Variants in GALNT13 observed in about 807,000 individuals in gnomAD.
The protein encoded by GALNT13 is polypeptide N-acetylgalactosaminyltransferase 13, also known as UDP-GalNAc:polypeptide N-acetylgalactosaminyltransferase 13.
Under a neutral mutation model 64.2 loss-of-function variants are expected in GALNT13, and 28 were observed. The ratio of observed to expected loss-of-function variants is 0.44; its 90% CI spans 0.32 to 0.60. The LOEUF (loss-of-function observed/expected upper bound fraction) is 0.60, where lower values mean the gene tolerates loss of function less well. Ranked by LOEUF, GALNT13 falls within the 20% of genes least tolerant of loss-of-function variation. GALNT13 has a pLI of 0.05. For missense variants in GALNT13, 577 were observed against 669.8 expected, an observed-to-expected ratio of 0.86 and a Z score of 1.53; for synonymous variants, 214 against 224.6, an observed-to-expected ratio of 0.95 and a Z score of 0.42.
At chr2:154,112,823 A>G (rs894952833) in intron 3 of GALNT13, among the ~76,000 whole-genome samples, 48 of 152,204 alleles carry the variant, frequency 3.2e-4, no homozygotes, top group African/African-American at 1.1e-3. Context: ...TTCTCTGTCA[A>G]CTGATCTTAG....
At chr2:154,112,235 G>A (rs1173724653) in intron 3 of GALNT13, among the ~76,000 whole-genome samples, 3 of 152,208 alleles carry the variant, frequency 2.0e-5, no homozygotes, top group Non-Finnish European at 4.4e-5. Flanking sequence ...AGTCACTGTA[G>A]CTAGGTCAGC....
intron 3 of GALNT13, among the ~76,000 whole-genome samples, chr2:154,012,037 C>G (rs1696673742): frequency 6.6e-6 from 1 of 151,956 alleles, no homozygotes. Context: ...CACTTTATGC[C>G]TTTTAATTGG....
chr2:154,248,766 C>CCAAT (rs1169615774), intron 7 of GALNT13, among the ~76,000 whole-genome samples: 4 of 152,090 alleles, frequency 2.6e-5, no homozygotes. Flanking sequence ...AAAACTTTTC[C>CCAAT]CAATCTCCAC....
At chr2:153,949,162 C>T (rs1263355571) in intron 3 of GALNT13, among the ~76,000 whole-genome samples, 1 of 152,020 alleles carries the variant, frequency 6.6e-6, no homozygotes, top group Non-Finnish European at 1.5e-5. Flanking sequence ...CCTAAGTGTG[C>T]AGTAGGCTAT....
the GALNT13 span, among the ~76,000 whole-genome samples, chr2:153,342,408 C>T: frequency 6.6e-6 from 1 of 152,136 alleles, no homozygotes; most frequent in South Asian, 2.1e-4. Context: ...ACACTGTCTG[C>T]ACTAAATGAC....
intron 3 of GALNT13, among the ~76,000 whole-genome samples, chr2:153,949,515 A>AT (rs1692013698): frequency 7.1e-6 from 1 of 141,096 alleles, no homozygotes; most frequent in African/African-American, 2.8e-5. Context: ...ATCTCAAAAA[A>AT]GAAAAAAAAA....
At chr2:153,523,097 A>G in the GALNT13 span, among the ~76,000 whole-genome samples, 2 of 126,714 alleles carry the variant, frequency 1.6e-5, no homozygotes, top group East Asian at 2.3e-4. Flanking sequence ...TCCAAACACC[A>G]TTTGTTGAAA....
chr2:153,720,646 G>A, the GALNT13 span, among the ~76,000 whole-genome samples: 7 of 151,590 alleles, frequency 4.6e-5, no homozygotes, highest in Admixed American at 6.6e-5. Context: ...ACCAAGGCTC[G>A]AGAACTACAT....
At chr2:153,179,562 G>A in the GALNT13 span, among the ~76,000 whole-genome samples, 1 of 151,866 alleles carries the variant, frequency 6.6e-6, no homozygotes, top group Non-Finnish European at 1.5e-5. Context: ...TGAATTTTAG[G>A]TTTGTATTTT....
chr2:154,342,945 T>C (rs1350699090), intron 9 of GALNT13, among the ~76,000 whole-genome samples: 4 of 152,010 alleles, frequency 2.6e-5, no homozygotes, highest in African/African-American at 9.7e-5. Flanking sequence ...TCACTGTTCT[T>C]AGTACCATAT....
At chr2:154,296,780 T>C (rs1443210413) in intron 8 of GALNT13, among the ~76,000 whole-genome samples, 1 of 152,166 alleles carries the variant, frequency 6.6e-6, no homozygotes, top group Non-Finnish European at 1.5e-5. Context: ...TTCTTTTTTT[T>C]TGTTATTATA....
At chr2:153,722,885 A>G in the GALNT13 span, among the ~76,000 whole-genome samples, 11,434 of 148,808 alleles carry the variant, frequency 0.077, 536 homozygotes, top group South Asian at 0.16. Context: ...ACAAGGAGGA[A>G]ATGGTACCAT....
chr2:153,898,553 A>C lies in GALNT13; in HGVS notation c.-176-2383A>C, dbSNP rs1688026946. ...TCAATCCAGGAAATAGCTCTCTGAA[A>C]GGCATGTCCATGGTAAATGTAAAAT... is the stretch of plus-strand genomic sequence containing the variant. On this transcript the variant is annotated intron_variant, in intron 1 of 12. Coordinates refer to ENST00000392825, the MANE Select transcript of GALNT13 (RefSeq NM_052917.4). 2.0e-5 allele frequency among the ~76,000 whole-genome samples: 3 copies of C among 152,238 alleles called. No homozygotes were observed. In the South Asian group the frequency reaches 6.2e-4, roughly 32 times the overall value.
At chr2:153,830,236 C>T in the GALNT13 span, among the ~76,000 whole-genome samples, 2 of 152,120 alleles carry the variant, frequency 1.3e-5, no homozygotes, top group Admixed American at 6.5e-5. Flanking sequence ...TATTTCATCA[C>T]ATGGCACTAC....
chr2:153,320,296 A>T, the GALNT13 span, among the ~76,000 whole-genome samples: 1 of 152,236 alleles, frequency 6.6e-6, no homozygotes, highest in Non-Finnish European at 1.5e-5. Flanking sequence ...CCTTTTAAAC[A>T]GTGAATCAAT....
At chr2:153,213,259 C>T in the GALNT13 span, among the ~76,000 whole-genome samples, 1 of 152,182 alleles carries the variant, frequency 6.6e-6, no homozygotes, top group African/African-American at 2.4e-5. Context: ...TGTGGAATGA[C>T]CCAGGTGGAT....
At chr2:153,900,702 C>T (rs972529526) in intron 1 of GALNT13, among the ~76,000 whole-genome samples, 3 of 152,110 alleles carry the variant, frequency 2.0e-5, no homozygotes, top group Non-Finnish European at 4.4e-5. Context: ...GCAGACTTCT[C>T]TTACCTCTTT....
At chr2:153,649,097 G>C in the GALNT13 span, among the ~76,000 whole-genome samples, 1 of 152,070 alleles carries the variant, frequency 6.6e-6, no homozygotes, top group African/African-American at 2.4e-5. Context: ...TCTGGTCCTG[G>C]ACTTTTTTGG....
At chr2:154,326,147 A>AG (rs1694864806) in intron 9 of GALNT13, among the ~76,000 whole-genome samples, 2 of 152,118 alleles carry the variant, frequency 1.3e-5, no homozygotes, top group African/African-American at 4.8e-5. Context: ...TGGACAGTTG[A>AG]GAAAAACTAG....
Sources: allele counts gnomAD v4.1 joint callset (sites outside exome capture counted in the v4.1 genomes callset), GRCh38; gene constraint gnomAD v4.1.1; transcripts MANE v1.5; gene names NCBI Gene and HGNC (gene_info 2026-07-23, HGNC 2026-07-21).